Variants in PIK3C2G observed in about 807,000 individuals in gnomAD.
PIK3C2G encodes phosphatidylinositol 3-kinase C2 domain-containing subunit gamma.
A neutral mutation model predicts 181.1 loss-of-function variants in PIK3C2G; 168 were observed. That is an observed-to-expected ratio of 0.93 (90% CI 0.82 to 1.05). PIK3C2G has a LOEUF of 1.05. Ranked by LOEUF, PIK3C2G falls within the 50% of genes least tolerant of loss-of-function variation. The probability of loss-of-function intolerance (pLI) is 0.00; values close to 1 mark genes in which losing one functional copy is unlikely to be tolerated. For missense variants in PIK3C2G, 1,869 were observed against 1,732.8 expected, an observed-to-expected ratio of 1.08 and a Z score of -1.40; for synonymous variants, 573 against 592.2, an observed-to-expected ratio of 0.97 and a Z score of 0.47.
At chr12:18,710,170 C>T in the PIK3C2G span, among the ~76,000 whole-genome samples, 1 of 147,690 alleles carries the variant, frequency 6.8e-6, no homozygotes, top group East Asian at 2.0e-4. Flanking sequence ...GTCTCTTTTT[C>T]TTATCTAGTT....
intron 11 of PIK3C2G, among the ~76,000 whole-genome samples, chr12:18,347,866 A>T (rs945617413): frequency 1.3e-5 from 2 of 152,064 alleles, no homozygotes; most frequent in Non-Finnish European, 2.9e-5. Flanking sequence ...TGTATTTTTT[A>T]AAAAATAAAC....
At chr12:18,492,866 C>T (rs570513336) in intron 20 of PIK3C2G, among the ~76,000 whole-genome samples, 137 of 152,264 alleles carry the variant, frequency 9.0e-4, no homozygotes, top group African/African-American at 3.2e-3. Context: ...TGGGACCACA[C>T]TCCTTCCCTA....
At chr12:18,667,867 G>C in the PIK3C2G span, among the ~76,000 whole-genome samples, 1 of 152,146 alleles carries the variant, frequency 6.6e-6, no homozygotes, top group African/African-American at 2.4e-5. Context: ...TAAGAGGAGA[G>C]ATTCTGCCCA....
chr12:18,365,268 C>A (rs897466130), intron 12 of PIK3C2G, among the ~76,000 whole-genome samples: 4 of 152,202 alleles, frequency 2.6e-5, no homozygotes, highest in Non-Finnish European at 5.9e-5. Flanking sequence ...CAAGTTTTAA[C>A]TTAAGAAATA....
chr12:18,534,047 T>G lies in PIK3C2G; in HGVS notation c.3324-4109T>G, dbSNP rs562912479. Among the ~76,000 whole-genome samples, 8 of 145,808 alleles carry G rather than the reference T, an allele frequency of 5.5e-5. No individual in the cohort carries two copies. The South Asian group carries it at 1.6e-3, about 30-fold the overall frequency. On this transcript the variant is annotated intron_variant, in intron 24 of 32. Coordinates refer to ENST00000538779, the MANE Select transcript of PIK3C2G (RefSeq NM_001288772.2). ...TCACTGCAACCTCCCCCTCCAGGGT[T>G]CAAACAATTCTTGTGCCTCAGCCTC...
At chr12:18,583,829 G>A (rs151259062) in intron 29 of PIK3C2G, among the ~76,000 whole-genome samples, 23 of 152,058 alleles carry the variant, frequency 1.5e-4, no homozygotes, top group East Asian at 5.8e-4. Context: ...TCCTCCAAAT[G>A]ACTGCACTAG....
intron 5 of PIK3C2G, among the ~76,000 whole-genome samples, chr12:18,311,563 A>G (rs1413191365): frequency 1.3e-5 from 2 of 152,024 alleles, no homozygotes; most frequent in African/African-American, 4.8e-5. Context: ...ATGAAAATAC[A>G]CAAAGAAACA....
intron 11 of PIK3C2G, among the ~76,000 whole-genome samples, chr12:18,357,403 A>C (rs1484100171): frequency 1.3e-5 from 2 of 152,172 alleles, no homozygotes; most frequent in Non-Finnish European, 2.9e-5. Flanking sequence ...ACTTTCCAGA[A>C]CTGCTGCGAA....
At chr12:18,633,118 A>T (rs1949421516) in intron 31 of PIK3C2G, among the ~76,000 whole-genome samples, 1 of 152,170 alleles carries the variant, frequency 6.6e-6, no homozygotes, top group African/African-American at 2.4e-5. Flanking sequence ...TGCTAACGCC[A>T]TCCTCAGAAA....
At chr12:18,460,913 G>C (rs1947886956) in intron 18 of PIK3C2G, among the ~76,000 whole-genome samples, 1 of 151,920 alleles carries the variant, frequency 6.6e-6, no homozygotes, top group African/African-American at 2.4e-5. Context: ...GCTGTAAAAT[G>C]AATGCTAATA....
At chr12:18,412,606 A>T (rs1429835129) in intron 16 of PIK3C2G, among the ~76,000 whole-genome samples, 3 of 151,974 alleles carry the variant, frequency 2.0e-5, no homozygotes, top group Non-Finnish European at 2.9e-5. Context: ...TATATTATTT[A>T]TGTTAACATA....
chr12:18,581,828 T>C (rs1247360163), intron 29 of PIK3C2G, among the ~76,000 whole-genome samples: 1 of 151,948 alleles, frequency 6.6e-6, no homozygotes, highest in Non-Finnish European at 1.5e-5. Context: ...AGAGTGTAAA[T>C]ATGAAAAAGA....
Position 18,264,890 on chromosome 12 carries a change from C to T in PIK3C2G, c.-79+3313C>T, listed in dbSNP as rs192097682. Reference sequence around the variant, plus strand: ...ATCAGCATCACCACTCTTTTCTCCTCTGTCTTACCAGACTAATAACCCACT... The same window carrying T: ...ATCAGCATCACCACTCTTTTCTCCTTTGTCTTACCAGACTAATAACCCACT... On this transcript the variant is annotated intron_variant, in intron 1 of 32. Coordinates refer to ENST00000538779, the MANE Select transcript of PIK3C2G (RefSeq NM_001288772.2). Among the ~76,000 whole-genome samples the T allele has an allele frequency of 1.8e-3, 271 of 152,292 alleles. 1 individual carries two copies. Among genetic ancestry groups the T allele is most frequent in the African/African-American group, 6.4e-3 (265 of 41,562 alleles).
rs1240823403 is a variant in PIK3C2G at position 18,543,271 on chromosome 12, T to G, written c.3481-3052T>G. 2.6e-5 allele frequency among the ~76,000 whole-genome samples: 4 copies of G among 152,056 alleles called. No individual in the cohort carries two copies. In the East Asian group the frequency reaches 7.7e-4, roughly 29 times the overall value. On this transcript the variant is annotated intron_variant, in intron 25 of 32. Transcript: ENST00000538779. ...TTCCTTGTAAATTTGTTTAAGTTTC[T>G]TATAGACGCTGGGTATTAGACCTTT...
chr12:18,427,262 T>C (rs1010393293), intron 18 of PIK3C2G, among the ~76,000 whole-genome samples: 1 of 151,762 alleles, frequency 6.6e-6, no homozygotes, highest in Non-Finnish European at 1.5e-5. Flanking sequence ...TCCCAGCACT[T>C]TGGGAGGCCA....
chr12:18,563,027 G>A (rs552047959), intron 27 of PIK3C2G, 135 bp downstream of exon 27: 2 of 664,360 alleles, frequency 3.0e-6, no homozygotes, highest in South Asian at 4.0e-5. Flanking sequence ...AATTTAAGCA[G>A]AAGTGTCATT....
At chr12:18,263,849 T>C (rs528266255) in intron 1 of PIK3C2G, among the ~76,000 whole-genome samples, 140 of 152,338 alleles carry the variant, frequency 9.2e-4, no homozygotes, top group African/African-American at 3.2e-3. Flanking sequence ...TAACAATCTA[T>C]AGATTTTATA....
At chr12:18,426,560 A>G (rs1945827575) in intron 18 of PIK3C2G, among the ~76,000 whole-genome samples, 1 of 152,198 alleles carries the variant, frequency 6.6e-6, no homozygotes, top group Non-Finnish European at 1.5e-5. Context: ...TTTAACAATT[A>G]TAAGTTTCAA....
At chr12:18,296,537 A>C (rs1034171571) in intron 5 of PIK3C2G, among the ~76,000 whole-genome samples, 2 of 152,166 alleles carry the variant, frequency 1.3e-5, no homozygotes, top group African/African-American at 2.4e-5. Context: ...TCTAATCAAC[A>C]AAGTAATAAA....
Sources: allele counts gnomAD v4.1 joint callset (sites outside exome capture counted in the v4.1 genomes callset), GRCh38; gene constraint gnomAD v4.1.1; transcripts MANE v1.5; gene names NCBI Gene and HGNC (gene_info 2026-07-23, HGNC 2026-07-21).